The following DSG1 variants were observed in gnomAD, a reference collection of about 807,000 sequenced individuals.
DSG1 encodes desmoglein-1.
Under a neutral mutation model 97.5 loss-of-function variants are expected in DSG1, and 39 were observed. The observed-to-expected ratio is 0.40, with a 90% CI of 0.31 to 0.52. The LOEUF is 0.52. Ranked by LOEUF, DSG1 falls within the 20% of genes least tolerant of loss-of-function variation. The pLI is 0.53. For missense variants in DSG1, 1,311 were observed against 1,295.4 expected, an observed-to-expected ratio of 1.01 and a Z score of -0.18; for synonymous variants, 475 against 443.4, an observed-to-expected ratio of 1.07 and a Z score of -0.90.
At chr18:31,343,666 T>C (rs926640359) in intron 12 of DSG1, 83 bp downstream of exon 12, 2 of 1,584,186 alleles carry the variant, frequency 1.3e-6, no homozygotes, top group African/African-American at 2.7e-5. Flanking sequence ...CCGCCATCAC[T>C]CACAGTCTAT....
chr18:31,326,657 G>T (rs920974184), intron 2 of DSG1, 41 bp downstream of exon 2: 15 of 1,521,312 alleles, frequency 9.9e-6, no homozygotes, highest in Non-Finnish European at 1.4e-5. Flanking sequence ...TTTTAAACAA[G>T]AAAATAATTT....
chr18:31,331,485 A>T lies in DSG1; in HGVS notation c.518-216A>T, dbSNP rs2901125. 0.41 allele frequency among the ~76,000 whole-genome samples: 62,929 copies of T among 151,910 alleles called. 14,264 individuals carry two copies. The highest frequency in any genetic ancestry group is 0.5 in the Non-Finnish European group (33,680 of 67,878). On this transcript the variant is annotated intron_variant, in intron 5 of 14. Coordinates refer to ENST00000257192, the MANE Select transcript of DSG1 (RefSeq NM_001942.4). ...CATTTCCTTTGTTTCCCAGTTATCA[A>T]CAATGTCTAGATTCCTAGTAAAATG... is the stretch of plus-strand genomic sequence containing the variant.
chr18:31,336,263 A>ATC, intron 8 of DSG1, 91 bp from the exon 9 acceptor site: 1 of 1,106,280 alleles, frequency 9.0e-7, no homozygotes, highest in Admixed American at 2.5e-5. Flanking sequence ...AAGAAAGATA[A>ATC]TAAGTTTTTT....
At chr18:31,340,690 A>G (rs2071783785) in intron 11 of DSG1, among the ~76,000 whole-genome samples, 1 of 152,210 alleles carries the variant, frequency 6.6e-6, no homozygotes, top group Non-Finnish European at 1.5e-5. Context: ...TATGTGCAAA[A>G]ACCTAAAAGA....
Position 31,336,592 on chromosome 18 carries a change from G to A in DSG1, c.1244G>A (p.Gly415Asp). ...GDFVATDLDTGRPSTTVRYVM... is the reference protein window; with the variant it reads ...GDFVATDLDTDRPSTTVRYVM... ...TTTGTAGCTACTGACCTGGACACAG[G>A]TAGACCTTCAACGACTGTTAGGTAA... is the stretch of plus-strand genomic sequence containing the variant. Residue 415 changes from glycine to aspartate, a missense_variant, in exon 9 of 15, where the codon GGT (glycine) becomes GAT (aspartate). Coordinates refer to ENST00000257192, the MANE Select transcript of DSG1 (RefSeq NM_001942.4). The A allele has an allele frequency of 6.2e-7, 1 of 1,614,030 alleles. No individual in the cohort carries two copies. Among genetic ancestry groups the A allele is most frequent in the Admixed American group, 1.7e-5 (1 of 60,020 alleles).
intron 1 of DSG1, among the ~76,000 whole-genome samples, chr18:31,319,255 A>G (rs2071639295): frequency 6.6e-6 from 1 of 152,216 alleles, no homozygotes; most frequent in African/African-American, 2.4e-5. Context: ...TCAAAAAGGC[A>G]GGTGCCAAGT....
intron 7 of DSG1, 35 bp from the exon 8 acceptor site, chr18:31,333,982 C>G (rs1282106795): frequency 6.9e-7 from 1 of 1,450,994 alleles, no homozygotes; most frequent in Admixed American, 1.7e-5. Flanking sequence ...CTCTTTCACA[C>G]AGTTTGTGCT....
At chr18:31,338,217 G>A in intron 9 of DSG1, 98 bp from the exon 10 acceptor site, 1 of 1,274,080 alleles carries the variant, frequency 7.8e-7, no homozygotes, top group Non-Finnish European at 1.1e-6. Flanking sequence ...TGTATCTAGG[G>A]ATTATAATTA....
At chr18:31,333,813 G>C (rs1415668673) in intron 7 of DSG1, 90 bp downstream of exon 7, 26 of 1,501,528 alleles carry the variant, frequency 1.7e-5, no homozygotes, top group Non-Finnish European at 2.2e-5. Flanking sequence ...CACATGTTAT[G>C]TTTATTGACA....
chr18:31,326,968 A>C lies in DSG1; in HGVS notation c.179A>C (p.Glu60Ala). Residue 60 changes from glutamate to alanine, a missense_variant, in exon 3 of 15, where the codon GAA (glutamate) becomes GCA (alanine). Glu to Ala is a moderately radical substitution (Grantham distance 107). This residue lies in a region of DSG1 where 259 missense variants were observed against 304.1 expected (regional missense o/e 0.85). Coordinates refer to ENST00000257192, the MANE Select transcript of DSG1 (RefSeq NM_001942.4). ...EWIKFAAACR[E>A]GEDNSKRNPI... ...ATCAAGTTCGCAGCAGCCTGTCGTG[A>C]AGGTGAAGACAACTCAAAGAGGAAC... 6.2e-7 allele frequency: 1 copy of C among 1,614,044 alleles called. No individual in the cohort carries two copies. Among genetic ancestry groups the C allele is most frequent in the East Asian group, 2.2e-5 (1 of 44,878 alleles).
intron 1 of DSG1, among the ~76,000 whole-genome samples, chr18:31,325,316 C>T (rs1022552385): frequency 6.6e-6 from 1 of 152,196 alleles, no homozygotes; most frequent in Admixed American, 6.5e-5. Context: ...CCAAAACAAA[C>T]AGCAAGCACT....
Position 31,326,899 on chromosome 18 carries a change from G to T in DSG1, c.110G>T (p.Gly37Val), listed in dbSNP as rs2071688977. ...GTAAGAGATTATAACACTAAAAATGGCACCATCAAATGGCATTCAATCCGA... is the reference window on the plus strand; with the variant it reads ...GTAAGAGATTATAACACTAAAAATGTCACCATCAAATGGCATTCAATCCGA... ...IQVRDYNTKN[G>V]TIKWHSIRRQ... Residue 37 changes from glycine to valine, a missense_variant, in exon 3 of 15, where the codon GGC (glycine) becomes GTC (valine). By Grantham distance (109) the Gly-to-Val change is moderately radical. This residue lies in a region of DSG1 where 259 missense variants were observed against 304.1 expected (regional missense o/e 0.85). Transcript: ENST00000257192. The T allele has an allele frequency of 1.9e-6, 3 of 1,613,468 alleles. No individual in the cohort carries two copies. Among genetic ancestry groups the T allele is most frequent in the African/African-American group, 2.7e-5 (2 of 74,892 alleles).
chr18:31,338,527 T>C, intron 10 of DSG1, 73 bp downstream of exon 10: 1 of 1,533,532 alleles, frequency 6.5e-7, no homozygotes, highest in Non-Finnish European at 9.0e-7. Context: ...ACATTTTAAC[T>C]ATCACATTTT....
chr18:31,326,654 C>T, intron 2 of DSG1, 38 bp downstream of exon 2: 2 of 1,529,802 alleles, frequency 1.3e-6, no homozygotes, highest in South Asian at 2.3e-5. Flanking sequence ...AATTTTTAAA[C>T]AAGAAAATAA....
chr18:31,336,521 A>C lies in DSG1; in HGVS notation c.1173A>C (p.Thr391=). ...EGPVFRPGSK[T]YVVTGNMGSN... The stretch of plus-strand genomic sequence containing the variant: ...CAGTGTTTCGTCCAGGTTCAAAGAC[A>C]TATGTTGTAACTGGTAATATGGGAT... Residue 391 remains threonine (T), a synonymous_variant, in exon 9 of 15, where the codon ACA becomes ACC. Transcript: ENST00000257192. The C allele has an allele frequency of 6.2e-7, 1 of 1,614,058 alleles. No homozygotes were observed. Among genetic ancestry groups the C allele is most frequent in the Non-Finnish European group, 8.5e-7 (1 of 1,179,940 alleles).
intron 1 of DSG1, among the ~76,000 whole-genome samples, chr18:31,323,930 T>A (rs2071668957): frequency 6.6e-6 from 1 of 151,846 alleles, no homozygotes; most frequent in African/African-American, 2.4e-5. Flanking sequence ...TTTCCTATTG[T>A]TTCTTTCGCC....
intron 1 of DSG1, among the ~76,000 whole-genome samples, chr18:31,323,250 T>C (rs2071664696): frequency 6.6e-6 from 1 of 152,170 alleles, no homozygotes; most frequent in Admixed American, 6.5e-5. Flanking sequence ...TCCAAACTCA[T>C]TTGGGAATCC....
intron 4 of DSG1, 81 bp downstream of exon 4, chr18:31,328,425 G>T (rs2071700086): frequency 7.0e-7 from 1 of 1,421,276 alleles, no homozygotes; most frequent in Non-Finnish European, 9.8e-7. Flanking sequence ...TACTTAATTT[G>T]ATTTCAAGAG....
rs2071698508 is a variant in DSG1, at chr18:31,328,221, T to C, written c.249T>C (p.Val83=). The part of the protein sequence containing the change: ...IHSDCAANQQ[V]TYRISGVGID... The stretch of plus-strand genomic sequence containing the variant: ...CAGATTGTGCTGCAAACCAGCAAGT[T>C]ACATACCGCATCTCTGGAGTAGGAA... The change falls in exon 4 of 15, where the codon GTT becomes GTC. Residue 83 remains valine, a synonymous_variant. Coordinates refer to ENST00000257192, the MANE Select transcript of DSG1 (RefSeq NM_001942.4). 6.2e-7 allele frequency: 1 copy of C among 1,613,512 alleles called. No individual in the cohort carries two copies. Among genetic ancestry groups the C allele is most frequent in the Non-Finnish European group, 8.5e-7 (1 of 1,179,600 alleles).
Sources: gnomAD v4.1 joint callset for allele counts (sites outside exome capture counted in the v4.1 genomes callset) on GRCh38, gnomAD v4.1.1 for gene constraint, gnomAD v4.1.1 regional missense constraint, MANE v1.5 for transcripts, NCBI Gene and HGNC (gene_info 2026-07-23, HGNC 2026-07-21) for gene names.